The following NPIPB11 variants were observed in gnomAD, a reference collection of about 807,000 sequenced individuals.
The protein encoded by NPIPB11 is nuclear pore complex-interacting protein family member B11.
NPIPB11 carries 17 observed loss-of-function variants against 32.8 expected under a neutral mutation model. That is an observed-to-expected ratio of 0.52 (90% CI 0.35 to 0.78). The LOEUF (loss-of-function observed/expected upper bound fraction) is 0.78. Among genes scored for constraint, NPIPB11 ranks in the 30% least tolerant of loss-of-function variants. The pLI, the probability that NPIPB11 is intolerant of heterozygous loss-of-function variation, is 0.01. For missense variants in NPIPB11, 537 were observed against 1,000.4 expected, an observed-to-expected ratio of 0.54 and a Z score of 6.25; for synonymous variants, 209 against 398.4, an observed-to-expected ratio of 0.52 and a Z score of 5.66.
At chr16:29,389,322 A>AT in intron 5 of NPIPB11, among the ~76,000 whole-genome samples, 1 of 148,382 alleles carries the variant, frequency 6.7e-6, no homozygotes, top group South Asian at 2.2e-4. Context: ...AGACTGCACC[A>AT]TAGCACTCCA....
In NPIPB11 at chr16:29,401,813, C is replaced by A. The variant is rs928975053; in HGVS notation, c.120+1870G>T. On this transcript the variant is annotated intron_variant, in intron 2 of 7. Coordinates refer to ENST00000524087, the Ensembl canonical transcript of NPIPB11. ...CATATGGAGGCTGCTCCTTTATTCT[C>A]GTGGCAGGATGAGGGCATGTGGGGC... Among the ~76,000 whole-genome samples, 4 of 152,070 alleles carry A rather than the reference C, an allele frequency of 2.6e-5. No individual in the cohort carries two copies. The East Asian group carries it at 7.8e-4, about 30-fold the overall frequency.
intron 2 of NPIPB11, among the ~76,000 whole-genome samples, chr16:29,397,929 G>A (rs1356670726): frequency 1.1e-5 from 1 of 91,434 alleles, no homozygotes; most frequent in African/African-American, 5.8e-5. Flanking sequence ...TACAGGTCAC[G>A]GAGAAGATCA....
chr16:29,402,724 C>CTGCGTGTGTG (rs1555475885), intron 2 of NPIPB11, among the ~76,000 whole-genome samples: 5 of 119,634 alleles, frequency 4.2e-5, no homozygotes, highest in Non-Finnish European at 6.8e-5. Context: ...CTCTCTCTCT[C>CTGCGTGTGTG]TGTGTGTGTG....
chr16:29,392,261 T>G (rs993935149), intron 3 of NPIPB11, among the ~76,000 whole-genome samples: 1 of 152,142 alleles, frequency 6.6e-6, no homozygotes, highest in African/African-American at 2.4e-5. Flanking sequence ...AATGCCATCA[T>G]GCATGAATGC....
chr16:29,390,213 C>G (rs940437855), intron 4 of NPIPB11, 36 bp downstream of exon 4: 41 of 1,583,170 alleles, frequency 2.6e-5, no homozygotes, highest in Non-Finnish European at 3.4e-5. Flanking sequence ...AGGGCAAACT[C>G]ATTTCCACAC....
chr16:29,403,896 T>G, intron 1 of NPIPB11, 56 bp from the exon 2 acceptor site: 1 of 1,494,312 alleles, frequency 6.7e-7, no homozygotes, highest in South Asian at 1.2e-5. Context: ...AGGTGATGTT[T>G]GAGTCTATAG....
At chr16:29,390,873 T>C (rs371058945) in intron 3 of NPIPB11, among the ~76,000 whole-genome samples, 1 of 142,706 alleles carries the variant, frequency 7.0e-6, no homozygotes, top group South Asian at 2.2e-4. Context: ...TGAGGCAGGA[T>C]AATCACTTGA....
At chr16:29,406,598 C>T (rs896136227), upstream of NPIPB11, among the ~76,000 whole-genome samples, 5 of 152,076 alleles carry the variant, frequency 3.3e-5, no homozygotes, top group African/African-American at 9.7e-5. Flanking sequence ...CCTGTAGTCT[C>T]AGCTACTCGG....
intron 2 of NPIPB11, among the ~76,000 whole-genome samples, chr16:29,401,974 A>ACC (rs2142139872): frequency 6.6e-6 from 1 of 150,860 alleles, no homozygotes; most frequent in Non-Finnish European, 1.5e-5. Flanking sequence ...TGCACCATCT[A>ACC]CCCCACACTC....
upstream of NPIPB11, among the ~76,000 whole-genome samples, chr16:29,404,748 G>A (rs1460904765): frequency 5.3e-5 from 8 of 149,588 alleles, no homozygotes; most frequent in African/African-American, 1.5e-4. Flanking sequence ...TCAGGCTGCC[G>A]GACACAGCTG....
At chr16:29,397,142 G>A (rs942994085) in intron 2 of NPIPB11, among the ~76,000 whole-genome samples, 3 of 146,342 alleles carry the variant, frequency 2.0e-5, no homozygotes, top group Admixed American at 1.4e-4. Flanking sequence ...CTGCACTCCA[G>A]CCTGGGCGAC....
chr16:29,402,720 C>CTGTGTGTGTGTGTG lies in NPIPB11; in HGVS notation c.120+962_120+963insCACACACACACACA, dbSNP rs1262374948. Among the ~76,000 whole-genome samples, 3 of 117,126 alleles carry CTGTGTGTGTGTGTG rather than the reference C, an allele frequency of 2.6e-5. No individual in the cohort carries two copies. In the East Asian group the frequency reaches 1.0e-3, roughly 39 times the overall value. 76.8% of individuals were successfully genotyped at this position (117,126 alleles called of 152,430 possible). A position where few individuals can be genotyped will look rare whatever the true frequency, so the allele number is the denominator to read the frequency against. On this transcript the variant is annotated intron_variant, in intron 2 of 7. Transcript: ENST00000524087. ...TCTGTCTCTCTCTCTCTCTCTCTCT[C>CTGTGTGTGTGTGTG]TCTCTGTGTGTGTGTGTGTGTGTGT...
At chr16:29,401,506 C>A (rs1963990725) in intron 2 of NPIPB11, among the ~76,000 whole-genome samples, 1 of 152,116 alleles carries the variant, frequency 6.6e-6, no homozygotes, top group African/African-American at 2.4e-5. Context: ...TAAAGCAAAT[C>A]TGCGGTGACT....
rs71214272 is a variant in NPIPB11 at position 29,402,724 on chromosome 16, CTGTGTGTGTG to C, written c.120+949_120+958del. ...TCTCTCTCTCTCTCTCTCTCTCTCTCTGTGTGTGTGTGTGTGTGTGTGTGTGTGTGTGTGT... is the reference window on the plus strand; with the variant it reads ...TCTCTCTCTCTCTCTCTCTCTCTCTCTGTGTGTGTGTGTGTGTGTGTGTGT... On this transcript the variant is annotated intron_variant, in intron 2 of 7. Transcript: ENST00000524087. Among the ~76,000 whole-genome samples, 167 of 119,678 alleles carry C rather than the reference CTGTGTGTGTG, an allele frequency of 1.4e-3. 2 individuals are homozygous for C. Among genetic ancestry groups the C allele is most frequent in the African/African-American group, 4.7e-3 (146 of 30,778 alleles). 78.5% of individuals were successfully genotyped at this position (119,678 alleles called of 152,430 possible).
chr16:29,382,980 G>T (rs773311691), exon 8 of NPIPB11: 19 of 1,594,948 alleles, frequency 1.2e-5, no homozygotes, highest in South Asian at 2.2e-5. Context: ...AGGGTGGAAG[G>T]GGAGTGAGCT....
rs536991671 is a variant in NPIPB11, at chr16:29,400,931, T to G, written c.120+2752A>C. Among the ~76,000 whole-genome samples, 418 of 151,732 alleles carry G rather than the reference T, an allele frequency of 2.8e-3. 1 individual carries two copies. The highest frequency in any genetic ancestry group is 8.5e-3 in the African/African-American group (350 of 41,348). On this transcript the variant is annotated intron_variant, in intron 2 of 7. Transcript: ENST00000524087. ...TACCCCCACTATCCCCACAGACGAT[T>G]CCCTGTCCCTTGCCTCATGCTCCGG...
At chr16:29,402,706 C>CTG (rs1374010113) in intron 2 of NPIPB11, among the ~76,000 whole-genome samples, 3 of 118,708 alleles carry the variant, frequency 2.5e-5, no homozygotes, top group African/African-American at 1.1e-4. Flanking sequence ...CTGTCTCTCT[C>CTG]TCTCTCTCTC....
chr16:29,382,222 G>A lies in NPIPB11; in HGVS notation c.2710C>T (p.Gln904Ter). 1 of 1,568,140 alleles carries A rather than the reference G, an allele frequency of 6.4e-7. No individual in the cohort carries two copies. The highest frequency in any genetic ancestry group is 8.6e-7 in the Non-Finnish European group (1 of 1,167,368). ...GCTGAGGGTGGAAGGGGAGTGAGCT[G>A]ACGTTTGGAAGGTGTCTTGAGATTA... Residue 904 changes from glutamine (Q) to a stop codon, truncating the protein, a stop_gained, in exon 8 of 8, where the codon CAG (glutamine) becomes TAG (stop). Coordinates refer to ENST00000524087, the Ensembl canonical transcript of NPIPB11. LOFTEE classifies it high-confidence loss of function.
In NPIPB11 at chr16:29,394,759, T is replaced by G. The variant is rs534053213; in HGVS notation, c.121-683A>C. On this transcript the variant is annotated intron_variant, in intron 2 of 7. Transcript: ENST00000524087. ...TTTTTTGTTTTTGTTTTTGTTTGTT[T>G]TTTTGAGATGGGGTCTCACTCTGTC... is the stretch of plus-strand genomic sequence containing the variant. 2.0e-5 allele frequency among the ~76,000 whole-genome samples: 3 copies of G among 149,822 alleles called. No homozygotes were observed. In the East Asian group the frequency reaches 6.0e-4, roughly 30 times the overall value.
Sources: allele counts gnomAD v4.1 joint callset (sites outside exome capture counted in the v4.1 genomes callset), GRCh38; gene constraint gnomAD v4.1.1; transcripts MANE v1.5; gene names NCBI Gene and HGNC (gene_info 2026-07-23, HGNC 2026-07-21).